GLIS3: variants seen among roughly 807,000 people sequenced by gnomAD.
GLIS3 encodes the protein GLIS family zinc finger 3, also known as zinc finger protein GLIS3.
Under a neutral mutation model 78.6 loss-of-function variants are expected in GLIS3, and 53 were observed. The ratio of observed to expected loss-of-function variants is 0.67; its 90% confidence interval spans 0.54 to 0.85. The LOEUF (loss-of-function observed/expected upper bound fraction) is 0.85, where lower values mean the gene tolerates loss of function less well. Ranked by LOEUF, GLIS3 falls within the 40% of genes least tolerant of loss-of-function variation. The pLI is 0.00. For synonymous variants in GLIS3, 684 were observed against 509.9 expected (o/e 1.34, Z -4.60); for missense variants, 1,703 against 1,231.1 (o/e 1.38, Z -5.74).
At chr9:3,974,028 C>T (rs747050257) in intron 4 of GLIS3, among the ~76,000 whole-genome samples, 13 of 151,978 alleles carry the variant, frequency 8.6e-5, no homozygotes, top group African/African-American at 1.9e-4. Flanking sequence ...CCTGTAAGTG[C>T]GAAAAATAAA....
At chr9:4,342,306 C>T (rs536032695) in intron 2 of GLIS3, among the ~76,000 whole-genome samples, 11 of 152,284 alleles carry the variant, frequency 7.2e-5, no homozygotes, top group East Asian at 3.9e-4. Context: ...ATCTTCTGCA[C>T]GCGGCTAGCC....
At chr9:4,200,857 G>C (rs1479923296) in intron 2 of GLIS3, among the ~76,000 whole-genome samples, 1 of 152,088 alleles carries the variant, frequency 6.6e-6, no homozygotes, top group African/African-American at 2.4e-5. Flanking sequence ...ATCACCTTGA[G>C]ACCAAAACCT....
chr9:4,248,474 T>G (rs891714269), intron 2 of GLIS3, among the ~76,000 whole-genome samples: 2 of 152,248 alleles, frequency 1.3e-5, no homozygotes, highest in African/African-American at 4.8e-5. Flanking sequence ...CACATTTTCT[T>G]TATTCAGTCT....
the GLIS3 span, among the ~76,000 whole-genome samples, chr9:4,358,098 C>G: frequency 6.6e-6 from 1 of 151,836 alleles, no homozygotes; most frequent in Admixed American, 6.6e-5. Context: ...CAGTATGTTC[C>G]CATTTGTGTG....
chr9:4,122,968 T>C (rs977939346), intron 3 of GLIS3, among the ~76,000 whole-genome samples: 8 of 152,074 alleles, frequency 5.3e-5, no homozygotes, highest in Non-Finnish European at 1.0e-4. Flanking sequence ...TCAGAAATGG[T>C]TGGGAAATTA....
chr9:3,983,897 G>A (rs1488579441), intron 4 of GLIS3, among the ~76,000 whole-genome samples: 1 of 152,218 alleles, frequency 6.6e-6, no homozygotes, highest in East Asian at 1.9e-4. Context: ...ATTTTCTAAG[G>A]AGAAATTCAA....
intron 6 of GLIS3, among the ~76,000 whole-genome samples, chr9:3,899,435 AATC>A (rs1319429552): frequency 6.6e-6 from 1 of 151,948 alleles, no homozygotes; most frequent in Non-Finnish European, 1.5e-5. Context: ...GTAAAAAAAA[AATC>A]AAACAATAAA....
At chr9:4,416,252 T>TTTTTTTA in the GLIS3 span, among the ~76,000 whole-genome samples, 3 of 75,806 alleles carry the variant, frequency 4.0e-5, no homozygotes, top group African/African-American at 1.6e-4. Flanking sequence ...ACACTGTTTT[T>TTTTTTTA]AAAAAAAAAA....
chr9:4,087,629 C>T (rs1429745634), intron 4 of GLIS3, among the ~76,000 whole-genome samples: 1 of 152,052 alleles, frequency 6.6e-6, no homozygotes, highest in Non-Finnish European at 1.5e-5. Context: ...TGTATTAACA[C>T]CCACATGAAA....
chr9:4,333,776 C>G (rs1427358719), intron 2 of GLIS3, among the ~76,000 whole-genome samples: 1 of 133,850 alleles, frequency 7.5e-6, no homozygotes, highest in Non-Finnish European at 1.5e-5. Context: ...TTTGATTCCC[C>G]TCACTTCCAG....
chr9:4,010,413 T>C (rs2130021609), intron 4 of GLIS3, among the ~76,000 whole-genome samples: 1 of 152,310 alleles, frequency 6.6e-6, no homozygotes, highest in Non-Finnish European at 1.5e-5. Flanking sequence ...AGAGTTAGCA[T>C]TCCTCTCCCC....
chr9:4,219,257 AG>A (rs1281732382), intron 2 of GLIS3, among the ~76,000 whole-genome samples: 14 of 152,362 alleles, frequency 9.2e-5, no homozygotes, highest in African/African-American at 3.1e-4. Flanking sequence ...TCAAGTACAT[AG>A]GCTAGAGACA....
chr9:4,401,296 G>C, the GLIS3 span, among the ~76,000 whole-genome samples: 2 of 152,144 alleles, frequency 1.3e-5, no homozygotes, highest in African/African-American at 2.4e-5. Flanking sequence ...TTTCACTCTT[G>C]TTGCCCAGGC....
chr9:4,184,136 ATAAT>A (rs1476299862), intron 2 of GLIS3, among the ~76,000 whole-genome samples: 1 of 152,238 alleles, frequency 6.6e-6, no homozygotes, highest in African/African-American at 2.4e-5. Flanking sequence ...ATATTTACAT[ATAAT>A]TAATCACACA....
chr9:4,082,591 A>C (rs549768011), intron 4 of GLIS3, among the ~76,000 whole-genome samples: 1 of 152,306 alleles, frequency 6.6e-6, no homozygotes, highest in African/African-American at 2.4e-5. Context: ...ATCTTCTGAC[A>C]GTCCATAATT....
At chr9:4,354,134 C>T in the GLIS3 span, among the ~76,000 whole-genome samples, 4 of 152,044 alleles carry the variant, frequency 2.6e-5, no homozygotes, top group Non-Finnish European at 4.4e-5. Context: ...CCACGCCCGG[C>T]CAACTGCAGG....
intron 2 of GLIS3, among the ~76,000 whole-genome samples, chr9:4,199,724 A>T (rs1241171174): frequency 6.6e-6 from 1 of 152,122 alleles, no homozygotes; most frequent in Non-Finnish European, 1.5e-5. Context: ...ACTTCAACAC[A>T]CCCACTGACA....
chr9:3,932,272 A>G lies in GLIS3; in HGVS notation c.1983+88T>C, dbSNP rs2130778336. On this transcript the variant is annotated intron_variant, in intron 6 of 10. Transcript: ENST00000381971. ...CAGGTTATACCATGAGAAGTATAAG[A>G]ATTTCAAGTGCCCTGCAGAAGCTTC... is the stretch of plus-strand genomic sequence containing the variant. 4 of 995,850 alleles carry G rather than the reference A, an allele frequency of 4.0e-6. No homozygotes were observed. The South Asian group carries it at 5.2e-5, about 13-fold the overall frequency. 61.7% of individuals were successfully genotyped at this position (995,850 alleles called of 1,614,324 possible).
At chr9:3,932,840 T>C in intron 5 of GLIS3, 1 of 431,656 alleles carries the variant, frequency 2.3e-6, no homozygotes, top group Non-Finnish European at 4.7e-6. Context: ...CAGAAACTAG[T>C]AAACACATAT....
Sources: gnomAD v4.1 joint callset for allele counts (sites outside exome capture counted in the v4.1 genomes callset) on GRCh38, gnomAD v4.1.1 for gene constraint, MANE v1.5 for transcripts, NCBI Gene and HGNC (gene_info 2026-07-23, HGNC 2026-07-21) for gene names.